CNBD2: variants seen among roughly 807,000 people sequenced by gnomAD.
CNBD2 encodes cyclic nucleotide binding domain containing 2.
Under a neutral mutation model 63.7 loss-of-function variants are expected in CNBD2, and 64 were observed. The observed-to-expected ratio is 1.00, with a 90% CI of 0.82 to 1.24. CNBD2 has a LOEUF of 1.24. Ranked by LOEUF, CNBD2 falls within the 50% of genes most tolerant of loss-of-function variation. CNBD2 has a pLI of 0.00. For missense variants in CNBD2, 691 were observed against 713.5 expected, an observed-to-expected ratio of 0.97 and a Z score of 0.36; for synonymous variants, 229 against 255.4, an observed-to-expected ratio of 0.90 and a Z score of 0.99.
chr20:35,985,836 C>T (rs559451519), intron 6 of CNBD2, among the ~76,000 whole-genome samples: 4 of 152,178 alleles, frequency 2.6e-5, no homozygotes, highest in South Asian at 2.1e-4. Flanking sequence ...GTTTATATAC[C>T]CCCTCAGACA....
chr20:35,964,798 G>A (rs956097288), upstream of CNBD2, among the ~76,000 whole-genome samples: 2 of 151,698 alleles, frequency 1.3e-5, no homozygotes, highest in Admixed American at 6.6e-5. Flanking sequence ...TGCCTCCCAG[G>A]TTCAAACAAT....
downstream of CNBD2, among the ~76,000 whole-genome samples, chr20:35,956,011 G>A (rs559591814): frequency 1.3e-5 from 2 of 152,284 alleles, no homozygotes; most frequent in South Asian, 2.1e-4. Flanking sequence ...GTGAGCCACC[G>A]TGCCGGGCCA....
At chr20:36,005,703 C>A (rs1034382704) in intron 8 of CNBD2, among the ~76,000 whole-genome samples, 1 of 152,088 alleles carries the variant, frequency 6.6e-6, no homozygotes, top group Non-Finnish European at 1.5e-5. Flanking sequence ...GTAATCCCAG[C>A]ACTTTGGGAG....
intron 7 of CNBD2, among the ~76,000 whole-genome samples, chr20:35,989,289 A>C (rs577704538): frequency 1.3e-5 from 2 of 152,242 alleles, no homozygotes; most frequent in Non-Finnish European, 2.9e-5. Context: ...AAGCCACCAC[A>C]GGCATTTGTT....
At position 35,987,450 on chromosome 20, in the gene CNBD2, A is replaced by T; in HGVS notation, c.772A>T (p.Met258Leu). Residue 258 changes from methionine (M) to leucine (L), a missense_variant, in exon 7 of 12, where the codon ATG becomes TTG. By Grantham distance (15) the Met-to-Leu change is conservative (BLOSUM62 2). Transcript: ENST00000373973. ...TGAGAAGCTCTGGCAGCTGGTAGCC[A>T]TGGCGAAGATAGAGAGGTTCTCGTA... ...SDEKLWQLVAMAKIERFSYGQ... is the reference protein window; with the variant it reads ...SDEKLWQLVALAKIERFSYGQ... 1 of 1,614,218 alleles carries T rather than the reference A, an allele frequency of 6.2e-7. No homozygotes were observed. The highest frequency in any genetic ancestry group is 1.1e-5 in the South Asian group (1 of 91,090).
chr20:36,004,613 C>G (rs1301444872), intron 8 of CNBD2, among the ~76,000 whole-genome samples: 1 of 151,770 alleles, frequency 6.6e-6, no homozygotes, highest in Non-Finnish European at 1.5e-5. Flanking sequence ...GTCACCTAGG[C>G]TGGAGTGCAG....
chr20:36,012,738 C>G (rs964839772), intron 10 of CNBD2, among the ~76,000 whole-genome samples: 1 of 147,352 alleles, frequency 6.8e-6, no homozygotes, highest in Non-Finnish European at 1.5e-5. Flanking sequence ...AGGAGAATTG[C>G]TTGAACCTAG....
chr20:36,008,494 G>C lies in CNBD2; in HGVS notation c.1148+20G>C. 1 of 1,590,736 alleles carries C rather than the reference G, an allele frequency of 6.3e-7. No homozygotes were observed. The highest frequency in any genetic ancestry group is 8.5e-7 in the Non-Finnish European group (1 of 1,172,784). On this transcript the variant is annotated intron_variant, in intron 9 of 11. Coordinates refer to ENST00000373973, the MANE Select transcript of CNBD2 (RefSeq NM_001365709.1). ...GATCCAGTAAGCTCAGCCCTGGGCA[G>C]ATAGACGGGTCCAGATTGTGGTTGC...
At chr20:36,004,153 G>A (rs933018674) in intron 8 of CNBD2, among the ~76,000 whole-genome samples, 1 of 152,144 alleles carries the variant, frequency 6.6e-6, no homozygotes, top group African/African-American at 2.4e-5. Flanking sequence ...TTAGACGTGA[G>A]CCCAACCCAC....
At chr20:35,978,233 T>C (rs2056547219) in intron 3 of CNBD2, among the ~76,000 whole-genome samples, 1 of 152,150 alleles carries the variant, frequency 6.6e-6, no homozygotes, top group South Asian at 2.1e-4. Flanking sequence ...TGAAGTGCAG[T>C]GATGCAATCA....
intron 8 of CNBD2, among the ~76,000 whole-genome samples, chr20:36,000,041 A>G (rs1438530726): frequency 6.6e-6 from 1 of 152,190 alleles, no homozygotes; most frequent in Non-Finnish European, 1.5e-5. Flanking sequence ...GTTAACCTAC[A>G]TAGTTACTAT....
intron 11 of CNBD2, among the ~76,000 whole-genome samples, chr20:36,024,630 AAATAAT>A (rs1046824594): frequency 6.8e-6 from 1 of 146,836 alleles, no homozygotes; most frequent in Non-Finnish European, 1.5e-5. Flanking sequence ...TTCCATCTCA[AAATAAT>A]AATAATAATA....
chr20:35,976,463 C>T (rs1430753343), intron 3 of CNBD2, among the ~76,000 whole-genome samples: 1 of 152,166 alleles, frequency 6.6e-6, no homozygotes, highest in Non-Finnish European at 1.5e-5. Context: ...TATTCAGGTG[C>T]AGCGCAGCTG....
At chr20:36,019,978 C>T (rs544656366) in intron 10 of CNBD2, among the ~76,000 whole-genome samples, 1 of 152,328 alleles carries the variant, frequency 6.6e-6, no homozygotes, top group Admixed American at 6.5e-5. Flanking sequence ...CCTCAGTTTC[C>T]TCATTGTAGT....
rs747673090 is a variant in CNBD2 at position 35,984,040 on chromosome 20, A to G, written c.466A>G (p.Ile156Val). The G allele has an allele frequency of 1.2e-6, 2 of 1,614,154 alleles. No homozygotes were observed. The highest frequency in any genetic ancestry group is 1.1e-5 in the South Asian group (1 of 91,080). ...GCAGAAGGGCAACAGCTTTTATTTC[A>G]TCTACCTGGGCACAGTTGCAATAAC... ...KGQKGNSFYF[I>V]YLGTVAITKD... Residue 156 changes from isoleucine to valine, a missense_variant, in exon 5 of 12, where the codon ATC becomes GTC. Transcript: ENST00000373973.
chr20:35,971,770 C>A (rs1281195565), intron 1 of CNBD2, among the ~76,000 whole-genome samples: 1 of 152,194 alleles, frequency 6.6e-6, no homozygotes, highest in African/African-American at 2.4e-5. Flanking sequence ...AAGAAGCATA[C>A]CATTGGTATG....
intron 3 of CNBD2, among the ~76,000 whole-genome samples, chr20:35,977,935 C>T (rs2056543516): frequency 6.6e-6 from 1 of 152,158 alleles, no homozygotes; most frequent in Non-Finnish European, 1.5e-5. Flanking sequence ...CTCAGCACAG[C>T]ATTTGGATTC....
chr20:36,013,463 G>A (rs574069195), intron 10 of CNBD2, among the ~76,000 whole-genome samples: 33 of 152,230 alleles, frequency 2.2e-4, no homozygotes, highest in African/African-American at 7.7e-4. Context: ...TAGTGGATCT[G>A]AGGAAGGAAT....
At chr20:35,975,794 C>G (rs545229416) in intron 2 of CNBD2, among the ~76,000 whole-genome samples, 155 bp from the exon 3 acceptor site, 2 of 152,210 alleles carry the variant, frequency 1.3e-5, no homozygotes, top group East Asian at 1.9e-4. Flanking sequence ...TTGGGGCCTT[C>G]GAGCAGAGGC....
Sources: allele counts gnomAD v4.1 joint callset (sites outside exome capture counted in the v4.1 genomes callset), GRCh38; gene constraint gnomAD v4.1.1; transcripts MANE v1.5; gene names NCBI Gene and HGNC (gene_info 2026-07-23, HGNC 2026-07-21).